Variants in USP15 observed in about 807,000 individuals in gnomAD.
USP15 encodes the protein ubiquitin specific peptidase 15.
Under a neutral mutation model 127.1 loss-of-function variants are expected in USP15, and 18 were observed. That is an observed-to-expected ratio of 0.14 (90% confidence interval 0.10 to 0.21). The LOEUF (loss-of-function observed/expected upper bound fraction) is 0.21, where lower values mean the gene tolerates loss of function less well. USP15 is among the 10% of genes least tolerant of loss of function. USP15 has a pLI of 1.00. For synonymous variants in USP15, 364 were observed against 393.7 expected (o/e 0.92, Z 0.89); for missense variants, 805 against 1,159.9 (o/e 0.69, Z 4.44).
At position 62,389,507 on chromosome 12, in the gene USP15, C is replaced by G. The variant is rs369551158; in HGVS notation, c.1550C>G (p.Ala517Gly). ...TALSALSGIP[A>G]DKMIVTDIYN... ...TTGTCTGCTTTGTCAGGAATACCTG[C>G]AGATAAGGTAAGATGTTTCTGGGGT... The change falls in exon 12 of 22, where the codon GCA becomes GGA. Residue 517 changes from alanine to glycine, a missense_variant. Around this residue, in one of 11 missense-constraint regions of USP15, gnomAD observed 82 missense variants for 104.4 expected, o/e 0.79. Transcript: ENST00000280377. 6.2e-7 allele frequency: 1 copy of G among 1,613,536 alleles called. No individual in the cohort carries two copies.
At chr12:62,300,553 T>C (rs952996553) in intron 2 of USP15, among the ~76,000 whole-genome samples, 3 of 152,106 alleles carry the variant, frequency 2.0e-5, no homozygotes, top group East Asian at 1.9e-4. Flanking sequence ...GATATTGATA[T>C]AAAGACAAAT....
chr12:62,402,455 T>G (rs1251111218), intron 21 of USP15, among the ~76,000 whole-genome samples: 1 of 152,040 alleles, frequency 6.6e-6, no homozygotes, highest in Non-Finnish European at 1.5e-5. Context: ...ATTTGGGGTT[T>G]GAGGGGACAA....
chr12:62,393,886 A>C (rs1232691227), intron 19 of USP15: 1 of 152,194 alleles, frequency 6.6e-6, no homozygotes, highest in Non-Finnish European at 1.5e-5. Context: ...CCAGCCCTAA[A>C]TATGCTGTTT....
Position 62,401,954 on chromosome 12 carries a change from A to G in USP15, c.2763+679A>G, listed in dbSNP as rs1432380748. 2.0e-5 allele frequency among the ~76,000 whole-genome samples: 3 copies of G among 150,310 alleles called. No individual in the cohort carries two copies. In the East Asian group the frequency reaches 5.9e-4, roughly 29 times the overall value. ...TATATATACTGTTATTTCTCTCCCT[A>G]TATCTATGACAAAAAGAGACTTGAA... On this transcript the variant is annotated intron_variant, in intron 21 of 21. Transcript: ENST00000280377.
intron 20 of USP15, among the ~76,000 whole-genome samples, chr12:62,397,632 G>A (rs1310765532): frequency 1.3e-5 from 2 of 151,720 alleles, no homozygotes; most frequent in African/African-American, 4.8e-5. Context: ...GTGGAGGCGG[G>A]TGAATCATGA....
At chr12:62,271,572 T>A (rs1383980108) in intron 1 of USP15, among the ~76,000 whole-genome samples, 1 of 151,992 alleles carries the variant, frequency 6.6e-6, no homozygotes, top group Admixed American at 6.6e-5. Flanking sequence ...TTATTATTTT[T>A]ATATTGTTAA....
intron 9 of USP15, 58 bp from the exon 10 acceptor site, chr12:62,383,782 A>G: frequency 6.5e-7 from 1 of 1,544,570 alleles, no homozygotes; most frequent in African/African-American, 1.4e-5. Flanking sequence ...TATTGTACAT[A>G]TGTTTAAAAA....
intron 8 of USP15, among the ~76,000 whole-genome samples, chr12:62,376,674 A>G (rs1391576858): frequency 6.6e-6 from 1 of 152,156 alleles, no homozygotes; most frequent in Non-Finnish European, 1.5e-5. Flanking sequence ...ATTTGTCATG[A>G]TACATTCATA....
intron 8 of USP15, among the ~76,000 whole-genome samples, chr12:62,368,286 T>C (rs887393404): frequency 1.3e-5 from 2 of 152,216 alleles, no homozygotes; most frequent in African/African-American, 4.8e-5. Flanking sequence ...GTATGTTTTG[T>C]TGATTTGGGG....
At chr12:62,369,925 T>G (rs1051498264) in intron 8 of USP15, among the ~76,000 whole-genome samples, 2 of 152,152 alleles carry the variant, frequency 1.3e-5, no homozygotes, top group Admixed American at 1.3e-4. Flanking sequence ...CTGGAACCCC[T>G]CTTACCATCC....
intron 1 of USP15, among the ~76,000 whole-genome samples, chr12:62,283,781 A>G (rs1427298785): frequency 6.6e-6 from 1 of 152,130 alleles, no homozygotes; most frequent in African/African-American, 2.4e-5. Context: ...GGTCTTTACT[A>G]AAAATAGAAA....
chr12:62,279,373 C>T (rs1038700370), intron 1 of USP15, among the ~76,000 whole-genome samples: 1 of 152,126 alleles, frequency 6.6e-6, no homozygotes, highest in Non-Finnish European at 1.5e-5. Flanking sequence ...TTTATTCTTT[C>T]ATCCATCAAA....
chr12:62,395,323 C>T (rs1017392751), intron 19 of USP15, among the ~76,000 whole-genome samples: 3 of 151,948 alleles, frequency 2.0e-5, no homozygotes, highest in Non-Finnish European at 4.4e-5. Context: ...AGCATGAAAA[C>T]GTTTATCTGA....
At chr12:62,305,000 A>G (rs2064437103) in intron 3 of USP15, 1 of 206,862 alleles carries the variant, frequency 4.8e-6, no homozygotes, top group Admixed American at 5.5e-5. Flanking sequence ...ATTTGTCAAT[A>G]GAAAATATAG....
intron 16 of USP15, 83 bp from the exon 17 acceptor site, chr12:62,391,733 T>C: frequency 8.4e-7 from 1 of 1,196,198 alleles, no homozygotes; most frequent in Non-Finnish European, 1.1e-6. Context: ...GTTTGTTTAT[T>C]CTGGTGTATA....
At chr12:62,322,555 T>C (rs1565853266) in intron 5 of USP15, among the ~76,000 whole-genome samples, 1 of 152,208 alleles carries the variant, frequency 6.6e-6, no homozygotes, top group African/African-American at 2.4e-5. Context: ...TCAGCCCTTA[T>C]CTTTCATAGT....
chr12:62,378,069 C>T (rs1472491087), intron 8 of USP15, among the ~76,000 whole-genome samples: 1 of 145,120 alleles, frequency 6.9e-6, no homozygotes, highest in Admixed American at 6.7e-5. Context: ...TAGCCAGGTG[C>T]GGTGGTGGGC....
At chr12:62,298,656 T>TC (rs2064207364) in intron 2 of USP15, among the ~76,000 whole-genome samples, 1 of 151,498 alleles carries the variant, frequency 6.6e-6, no homozygotes, top group Non-Finnish European at 1.5e-5. Context: ...AGAGCAAGAC[T>TC]CCATCTCAAA....
chr12:62,390,799 G>T, intron 14 of USP15, 65 bp from the exon 15 acceptor site: 4 of 1,206,550 alleles, frequency 3.3e-6, no homozygotes, highest in Non-Finnish European at 4.7e-6. Flanking sequence ...CTGATAGAAG[G>T]AAAACTTTTT....
Sources: allele counts gnomAD v4.1 joint callset (sites outside exome capture counted in the v4.1 genomes callset), GRCh38; gene constraint gnomAD v4.1.1; regional missense constraint gnomAD v4.1.1; transcripts MANE v1.5; gene names NCBI Gene and HGNC (gene_info 2026-07-23, HGNC 2026-07-21).